The following RBM20 variants were observed in gnomAD, a reference collection of about 807,000 sequenced individuals.
The protein encoded by RBM20 is RNA binding motif protein 20, also known as RNA-binding protein 20.
Under a neutral mutation model 110.1 loss-of-function variants are expected in RBM20, and 51 were observed. The observed-to-expected ratio is 0.46, with a 90% CI of 0.37 to 0.59. RBM20 has a LOEUF of 0.59. Ranked by LOEUF, RBM20 falls within the 20% of genes least tolerant of loss-of-function variation. The probability of loss-of-function intolerance (pLI) is 0.00; values close to 1 mark genes in which losing one functional copy is unlikely to be tolerated. For synonymous variants in RBM20, 589 were observed against 618.2 expected, an observed-to-expected ratio of 0.95 and a Z score of 0.70; for missense variants, 1,512 against 1,574.9, an observed-to-expected ratio of 0.96 and a Z score of 0.68.
chr10:110,710,995 G>C (rs1169850123), intron 1 of RBM20, among the ~76,000 whole-genome samples: 3 of 152,060 alleles, frequency 2.0e-5, no homozygotes, highest in Non-Finnish European at 4.4e-5. Flanking sequence ...ATCTAGAGGA[G>C]TGGTTTGGGA....
At chr10:110,770,528 A>C (rs1312065194) in intron 1 of RBM20, among the ~76,000 whole-genome samples, 3 of 152,196 alleles carry the variant, frequency 2.0e-5, no homozygotes. Flanking sequence ...CTTAAAACCG[A>C]CACAGTCTTC....
chr10:110,687,022 G>A (rs1366273963), intron 1 of RBM20, among the ~76,000 whole-genome samples: 1 of 148,728 alleles, frequency 6.7e-6, no homozygotes. Context: ...CTGGGTAACA[G>A]AGCGAGACTG....
chr10:110,820,863 C>T (rs1333320431), intron 10 of RBM20, among the ~76,000 whole-genome samples: 3 of 152,082 alleles, frequency 2.0e-5, no homozygotes, highest in Non-Finnish European at 4.4e-5. Context: ...TGTATGTACC[C>T]CTGCTGGGAG....
At chr10:110,649,592 C>T (rs1861918351) in intron 1 of RBM20, among the ~76,000 whole-genome samples, 1 of 152,196 alleles carries the variant, frequency 6.6e-6, no homozygotes, top group African/African-American at 2.4e-5. Flanking sequence ...CAAAATCCTA[C>T]TTAATCTGAT....
chr10:110,686,203 G>T (rs1263005143), intron 1 of RBM20, among the ~76,000 whole-genome samples: 1 of 152,134 alleles, frequency 6.6e-6, no homozygotes, highest in African/African-American at 2.4e-5. Flanking sequence ...AATATCCTAT[G>T]AAACCTGTGA....
At chr10:110,728,348 G>T (rs538060837) in intron 1 of RBM20, among the ~76,000 whole-genome samples, 1 of 152,166 alleles carries the variant, frequency 6.6e-6, no homozygotes, top group South Asian at 2.1e-4. Context: ...GTAGCCCAAG[G>T]TCCCCACTCT....
chr10:110,831,149 C>G lies in RBM20; in HGVS notation c.3540C>G (p.His1180Gln). The G allele has an allele frequency of 6.4e-6, 10 of 1,551,698 alleles. No homozygotes were observed. Among genetic ancestry groups the G allele is most frequent in the Non-Finnish European group, 8.7e-6 (10 of 1,146,960 alleles). Residue 1180 changes from histidine (H) to glutamine (Q), a missense_variant, in exon 13 of 14, where the codon CAC becomes CAG. His to Gln is a conservative substitution (Grantham distance 24, BLOSUM62 0). Transcript: ENST00000369519. ...YTSEETAKMS[H>Q]CRSAVHYRNL... The stretch of plus-strand genomic sequence containing the variant: ...GCGAGGAGACAGCAAAGATGAGCCA[C>G]TGCCGCAGCGCTGTCCACTACAGGA...
At chr10:110,766,313 G>GTTTTTT (rs113464457) in intron 1 of RBM20, among the ~76,000 whole-genome samples, 1 of 120,542 alleles carries the variant, frequency 8.3e-6, no homozygotes, top group South Asian at 2.9e-4. Context: ...CAGTAACTTT[G>GTTTTTT]TTTTTTTTTT....
At chr10:110,758,444 C>T (rs1843950331) in intron 1 of RBM20, among the ~76,000 whole-genome samples, 1 of 152,076 alleles carries the variant, frequency 6.6e-6, no homozygotes, top group Non-Finnish European at 1.5e-5. Context: ...AACCATATGT[C>T]CTGCTTTAGA....
At chr10:110,706,799 T>G (rs1467775130) in intron 1 of RBM20, among the ~76,000 whole-genome samples, 2 of 152,236 alleles carry the variant, frequency 1.3e-5, no homozygotes, top group African/African-American at 4.8e-5. Flanking sequence ...TTTCCTTTTC[T>G]TTCTCTGTCT....
intron 1 of RBM20, among the ~76,000 whole-genome samples, chr10:110,692,859 GT>G (rs1862606900): frequency 6.6e-6 from 1 of 151,010 alleles, no homozygotes; most frequent in African/African-American, 2.4e-5. Context: ...GTTTTGTTTT[GT>G]TTTGTTTTAC....
chr10:110,712,064 G>A (rs1862939455), intron 1 of RBM20, among the ~76,000 whole-genome samples: 1 of 152,158 alleles, frequency 6.6e-6, no homozygotes, highest in African/African-American at 2.4e-5. Flanking sequence ...ATCCAAGTAT[G>A]GAAGTAGCAT....
At chr10:110,666,339 C>T (rs538336501) in intron 1 of RBM20, among the ~76,000 whole-genome samples, 2 of 152,216 alleles carry the variant, frequency 1.3e-5, no homozygotes, top group Admixed American at 1.3e-4. Flanking sequence ...AGCCGACAGA[C>T]CCTTCTTAAA....
chr10:110,695,617 T>G (rs889888520), intron 1 of RBM20, among the ~76,000 whole-genome samples: 1 of 152,196 alleles, frequency 6.6e-6, no homozygotes, highest in Non-Finnish European at 1.5e-5. Flanking sequence ...GAGAAATGAT[T>G]CATTTCATCA....
chr10:110,811,449 T>C (rs1035605512), intron 8 of RBM20, among the ~76,000 whole-genome samples: 4 of 152,254 alleles, frequency 2.6e-5, no homozygotes, highest in Non-Finnish European at 5.9e-5. Context: ...CTTTATTTGT[T>C]TATTAGTCTG....
intron 7 of RBM20, among the ~76,000 whole-genome samples, chr10:110,801,854 C>A (rs1429086909): frequency 6.6e-6 from 1 of 152,000 alleles, no homozygotes; most frequent in Non-Finnish European, 1.5e-5. Flanking sequence ...CAGTTTATCA[C>A]AGTTTTATAT....
intron 5 of RBM20, among the ~76,000 whole-genome samples, chr10:110,785,138 G>T (rs1203775714): frequency 6.6e-6 from 1 of 152,136 alleles, no homozygotes; most frequent in African/African-American, 2.4e-5. Context: ...CTCTCTGTGT[G>T]CCAGTCACCC....
chr10:110,752,945 A>ATATATT (rs1433992064), intron 1 of RBM20, among the ~76,000 whole-genome samples: 115 of 108,980 alleles, frequency 1.1e-3, no homozygotes, highest in African/African-American at 3.4e-3. Flanking sequence ...ATATATATAT[A>ATATATT]TTTTTTTTTT....
chr10:110,748,808 G>T (rs910164328), intron 1 of RBM20, among the ~76,000 whole-genome samples: 4 of 152,162 alleles, frequency 2.6e-5, no homozygotes, highest in African/African-American at 9.7e-5. Flanking sequence ...CAATCATCAT[G>T]ACTATTTAGT....
Sources: gnomAD v4.1 joint callset for allele counts (sites outside exome capture counted in the v4.1 genomes callset) on GRCh38, gnomAD v4.1.1 for gene constraint, MANE v1.5 for transcripts, NCBI Gene and HGNC (gene_info 2026-07-23, HGNC 2026-07-21) for gene names.